DCC: variants seen among roughly 807,000 people sequenced by gnomAD.
DCC encodes netrin receptor DCC.
In DCC, 58 loss-of-function variants were observed where a neutral mutation model predicts 172.5. The observed-to-expected ratio is 0.34, with a 90% CI of 0.27 to 0.42. DCC has a LOEUF of 0.42. DCC is among the 10% of genes least tolerant of loss of function. The pLI is 1.00. For synonymous variants in DCC, 709 were observed against 644.5 expected (o/e 1.10, Z -1.52); for missense variants, 1,740 against 1,791.0 (o/e 0.97, Z 0.51).
chr18:53,290,701 A>G lies in DCC; in HGVS notation c.1912-14877A>G, dbSNP rs570978073. On this transcript the variant is annotated intron_variant, in intron 12 of 28. Coordinates refer to ENST00000442544, the MANE Select transcript of DCC (RefSeq NM_005215.4). Reference sequence around the variant, plus strand: ...CCTTATTTACTATAGACCCAGCTGTACATGTTTATCCCTGAATATTGGCCA... The same window carrying G: ...CCTTATTTACTATAGACCCAGCTGTGCATGTTTATCCCTGAATATTGGCCA... Among the ~76,000 whole-genome samples the G allele has an allele frequency of 4.6e-5, 7 of 152,298 alleles. No homozygotes were observed. The East Asian group carries it at 1.3e-3, about 29-fold the overall frequency.
At chr18:52,793,144 A>G (rs1478507154) in intron 2 of DCC, among the ~76,000 whole-genome samples, 1 of 152,202 alleles carries the variant, frequency 6.6e-6, no homozygotes. Context: ...GTTTGATCAC[A>G]TATGATGTTT....
chr18:53,035,615 G>A (rs556608091), intron 5 of DCC, among the ~76,000 whole-genome samples: 22 of 152,048 alleles, frequency 1.4e-4, no homozygotes, highest in South Asian at 2.1e-4. Context: ...GCTCAAAGCC[G>A]CTTGCTTAAA....
intron 1 of DCC, among the ~76,000 whole-genome samples, chr18:52,742,684 C>T (rs935655017): frequency 1.3e-5 from 2 of 152,148 alleles, no homozygotes; most frequent in Non-Finnish European, 2.9e-5. Flanking sequence ...TTCAAACTTA[C>T]TAGGCTTACT....
chr18:52,694,859 A>G (rs1349391827), intron 1 of DCC, among the ~76,000 whole-genome samples: 6 of 152,194 alleles, frequency 3.9e-5, no homozygotes, highest in Non-Finnish European at 2.9e-5. Context: ...TCTAATTGTA[A>G]CACTGTATAA....
chr18:53,097,561 A>G (rs1264652321), intron 7 of DCC, among the ~76,000 whole-genome samples: 3 of 152,190 alleles, frequency 2.0e-5, no homozygotes, highest in African/African-American at 7.2e-5. Context: ...TTTGATTTTC[A>G]TACATCTTTT....
intron 1 of DCC, among the ~76,000 whole-genome samples, chr18:52,565,638 TC>T (rs2033144349): frequency 6.6e-6 from 1 of 152,230 alleles, no homozygotes; most frequent in Non-Finnish European, 1.5e-5. Context: ...AAAAATGTCT[TC>T]TTTTGAGAAG....
chr18:52,559,451 A>C (rs2032988684), intron 1 of DCC, among the ~76,000 whole-genome samples: 1 of 152,126 alleles, frequency 6.6e-6, no homozygotes, highest in African/African-American at 2.4e-5. Context: ...ATCTCTATTA[A>C]TTTATCTCCT....
chr18:52,432,346 G>A (rs905622651), intron 1 of DCC, among the ~76,000 whole-genome samples: 2 of 152,160 alleles, frequency 1.3e-5, no homozygotes, highest in Admixed American at 1.3e-4. Flanking sequence ...GCTCAGCGGC[G>A]GATTGGTAGC....
chr18:52,788,186 T>A (rs1031580141), intron 2 of DCC, among the ~76,000 whole-genome samples: 1 of 152,210 alleles, frequency 6.6e-6, no homozygotes, highest in Non-Finnish European at 1.5e-5. Flanking sequence ...TTTAAGATAA[T>A]CCCTCATCCC....
intron 12 of DCC, among the ~76,000 whole-genome samples, chr18:53,242,310 T>G (rs897125799): frequency 2.6e-5 from 4 of 152,196 alleles, no homozygotes; most frequent in African/African-American, 4.8e-5. Flanking sequence ...ATGATATAAG[T>G]TTCCAATGGG....
At chr18:53,280,481 T>G (rs1332183666) in intron 12 of DCC, among the ~76,000 whole-genome samples, 1 of 152,158 alleles carries the variant, frequency 6.6e-6, no homozygotes, top group Admixed American at 6.6e-5. Flanking sequence ...TCTACCTGAT[T>G]TAAATTTCTT....
chr18:52,413,207 A>G (rs958744301), intron 1 of DCC, among the ~76,000 whole-genome samples: 3 of 151,640 alleles, frequency 2.0e-5, no homozygotes, highest in Non-Finnish European at 4.4e-5. Flanking sequence ...GACAGAGTAC[A>G]TAGAAGTGTT....
intron 5 of DCC, among the ~76,000 whole-genome samples, chr18:52,978,857 C>T (rs1488655996): frequency 2.6e-5 from 4 of 152,142 alleles, no homozygotes; most frequent in African/African-American, 4.8e-5. Flanking sequence ...AGAGTAATGA[C>T]TTCCAGCTCT....
intron 15 of DCC, among the ~76,000 whole-genome samples, chr18:53,363,869 G>A (rs1224032124): frequency 6.6e-6 from 1 of 152,116 alleles, no homozygotes; most frequent in East Asian, 1.9e-4. Flanking sequence ...GCTTCACTGA[G>A]AGTCAGTGAG....
intron 21 of DCC, among the ~76,000 whole-genome samples, chr18:53,419,996 A>G (rs1910544515): frequency 6.6e-6 from 1 of 151,888 alleles, no homozygotes; most frequent in African/African-American, 2.4e-5. Flanking sequence ...TGGGATTACA[A>G]GTGCGTGCCA....
chr18:52,951,577 T>C (rs895661317), intron 5 of DCC, among the ~76,000 whole-genome samples: 1 of 152,188 alleles, frequency 6.6e-6, no homozygotes, highest in Non-Finnish European at 1.5e-5. Flanking sequence ...AATGATGGCT[T>C]CCAGCTTCAT....
chr18:53,261,131 G>T (rs1022782757), intron 12 of DCC, among the ~76,000 whole-genome samples: 4 of 152,266 alleles, frequency 2.6e-5, no homozygotes, highest in Admixed American at 2.0e-4. Context: ...AAAGGGAATT[G>T]CCTGACCCCT....
chr18:53,508,664 T>A (rs1004254532), intron 27 of DCC, among the ~76,000 whole-genome samples: 1 of 152,184 alleles, frequency 6.6e-6, no homozygotes, highest in Non-Finnish European at 1.5e-5. Flanking sequence ...CACACATGCC[T>A]GAGCTGACAC....
intron 5 of DCC, among the ~76,000 whole-genome samples, chr18:53,016,006 C>T (rs1368414967): frequency 6.6e-6 from 1 of 152,132 alleles, no homozygotes; most frequent in African/African-American, 2.4e-5. Context: ...AAGTTTACTA[C>T]TATTTAATTT....
Sources: allele counts gnomAD v4.1 joint callset (sites outside exome capture counted in the v4.1 genomes callset), GRCh38; gene constraint gnomAD v4.1.1; transcripts MANE v1.5; gene names NCBI Gene and HGNC (gene_info 2026-07-23, HGNC 2026-07-21).